SLC35A5: variants seen among roughly 807,000 people sequenced by gnomAD.
SLC35A5 encodes the protein solute carrier family 35 member A5.
A neutral mutation model predicts 36.3 loss-of-function variants in SLC35A5; 28 were observed. The ratio of observed to expected loss-of-function variants is 0.77; its 90% confidence interval spans 0.57 to 1.06. The LOEUF (loss-of-function observed/expected upper bound fraction) is 1.06. Ranked by LOEUF, SLC35A5 falls within the 50% of genes least tolerant of loss-of-function variation. The probability of loss-of-function intolerance (pLI) is 0.00; values close to 1 mark genes in which losing one functional copy is unlikely to be tolerated. For synonymous variants in SLC35A5, 180 were observed against 173.7 expected (o/e 1.04, Z -0.29); for missense variants, 521 against 499.3 (o/e 1.04, Z -0.41).
Position 112,583,182 on chromosome 3 carries a change from T to A in SLC35A5, c.*446T>A, listed in dbSNP as rs1935010194. 2 of 398,126 alleles carry A rather than the reference T, an allele frequency of 5.0e-6. No individual in the cohort carries two copies. Among genetic ancestry groups the A allele is most frequent in the Non-Finnish European group, 8.9e-6 (2 of 225,846 alleles). 24.7% of individuals were successfully genotyped at this position (398,126 alleles called of 1,614,324 possible). On this transcript the variant is annotated 3_prime_UTR_variant, in exon 7 of 7. Transcript: ENST00000492406. ...GGTTGTCTCTTGAATTTTGAGGCCC[T>A]AGAGATAGTCATTTTGCAAGTAAAG...
At chr3:112,575,785 A>T (rs1454288281) in intron 5 of SLC35A5, among the ~76,000 whole-genome samples, 2 of 139,006 alleles carry the variant, frequency 1.4e-5, no homozygotes, top group African/African-American at 5.5e-5. Flanking sequence ...TTTGAGACAG[A>T]GTCTTACTCT....
intron 5 of SLC35A5, among the ~76,000 whole-genome samples, chr3:112,579,977 CA>C (rs1934830759): frequency 6.6e-6 from 1 of 152,200 alleles, no homozygotes; most frequent in Admixed American, 6.5e-5. Context: ...CCCAAAATAA[CA>C]TTTTTCTTTG....
chr3:112,571,163 G>T (rs1257958446), intron 4 of SLC35A5, among the ~76,000 whole-genome samples: 1 of 152,018 alleles, frequency 6.6e-6, no homozygotes, highest in Non-Finnish European at 1.5e-5. Flanking sequence ...ATTCTTCAAG[G>T]GTAGGGATCA....
intron 2 of SLC35A5, among the ~76,000 whole-genome samples, chr3:112,565,593 C>A (rs184153951): frequency 7.9e-5 from 12 of 152,302 alleles, no homozygotes; most frequent in Non-Finnish European, 1.6e-4. Flanking sequence ...GGCTGGCCAA[C>A]ATGGTGAAAC....
chr3:112,576,101 G>GA (rs961723902), intron 5 of SLC35A5, among the ~76,000 whole-genome samples: 20 of 150,644 alleles, frequency 1.3e-4, no homozygotes, highest in African/African-American at 4.9e-4. Flanking sequence ...GTGAAAAAAA[G>GA]AAAAAAAATT....
At chr3:112,561,641 T>C (rs1487881421), upstream of SLC35A5, 1 of 1,087,900 alleles carries the variant, frequency 9.2e-7, no homozygotes, top group Non-Finnish European at 1.3e-6. Context: ...AGCACCCGGC[T>C]GGCAGCACCC....
intron 2 of SLC35A5, among the ~76,000 whole-genome samples, chr3:112,564,797 T>A (rs1357332040): frequency 6.6e-6 from 1 of 152,218 alleles, no homozygotes; most frequent in Non-Finnish European, 1.5e-5. Context: ...GGAGTGGTGA[T>A]GACTCTTAAC....
rs1934905952 is a variant in SLC35A5, at chr3:112,581,237, A to G, written c.1120A>G (p.Asn374Asp). The change falls in exon 6 of 7, where the codon AAT becomes GAT. Residue 374 changes from asparagine (N) to aspartate (D), a missense_variant. Transcript: ENST00000492406. Reference protein sequence around the residue: ...PSVLLSIFIYNASKPQVPEYA... With the variant: ...PSVLLSIFIYDASKPQVPEYA... ...AGTCCTTCTCTCTATATTTATTTAT[A>G]ATGCCAGCAAGCCTCAAGTTCCGGA... 1 of 1,613,828 alleles carries G rather than the reference A, an allele frequency of 6.2e-7. No individual in the cohort carries two copies. Among genetic ancestry groups the G allele is most frequent in the East Asian group, 2.2e-5 (1 of 44,868 alleles).
At chr3:112,561,417 C>T, upstream of SLC35A5, 1 of 1,601,018 alleles carries the variant, frequency 6.2e-7, no homozygotes, top group Admixed American at 1.7e-5. Context: ...AAAAGTCGAG[C>T]ATGTGCCTGA....
At chr3:112,561,655 G>A, upstream of SLC35A5, 1 of 956,294 alleles carries the variant, frequency 1.0e-6, no homozygotes. Context: ...AGCACCCGAG[G>A]GGACGGGACG....
At position 112,566,345 on chromosome 3, in the gene SLC35A5, C is replaced by T. The variant is rs559722484; in HGVS notation, c.130+2812C>T. ...CATGTCATGCACATGAGGGAAATACCAATTATATGAATAAATAGGAGGTAG... is the reference window on the plus strand; with the variant it reads ...CATGTCATGCACATGAGGGAAATACTAATTATATGAATAAATAGGAGGTAG... On this transcript the variant is annotated intron_variant, in intron 2 of 6. Transcript: ENST00000492406. Among the ~76,000 whole-genome samples, 4 of 152,138 alleles carry T rather than the reference C, an allele frequency of 2.6e-5. No homozygotes were observed. In the South Asian group the frequency reaches 8.3e-4, roughly 32 times the overall value.
rs1338349549 is a variant in SLC35A5, at chr3:112,583,429, C to T, written c.*693C>T. ...GGTTCCCTAGTCACCATAGTTACCA[C>T]TTGTATTTTAAGTCATTTAAACAAG... On this transcript the variant is annotated 3_prime_UTR_variant, in exon 7 of 7. Transcript: ENST00000492406. 1 of 286,990 alleles carries T rather than the reference C, an allele frequency of 3.5e-6. No individual in the cohort carries two copies. Among genetic ancestry groups the T allele is most frequent in the African/African-American group, 2.2e-5 (1 of 46,396 alleles). 17.8% of individuals were successfully genotyped at this position (286,990 alleles called of 1,614,324 possible).
chr3:112,573,919 AT>A lies in SLC35A5; in HGVS notation c.393del (p.Ile132Ter), dbSNP rs1460625840. On this transcript the variant is annotated frameshift_variant, in exon 5 of 7. Transcript: ENST00000492406. LOFTEE classifies it high-confidence loss of function. ...AMAVIFSNFS[I>X]ITTALLFRIV... ...GGCTGTTATCTTCTCAAATTTTAGC[AT>A]TATAACAACAGCTCTTCTATTCAGG... is the stretch of plus-strand genomic sequence containing the variant. The A allele has an allele frequency of 6.2e-7, 1 of 1,613,576 alleles. No homozygotes were observed. Among genetic ancestry groups the A allele is most frequent in the Admixed American group, 1.7e-5 (1 of 60,012 alleles).
At chr3:112,580,197 A>G (rs1434056344) in intron 5 of SLC35A5, among the ~76,000 whole-genome samples, 1 of 152,184 alleles carries the variant, frequency 6.6e-6, no homozygotes, top group Admixed American at 6.5e-5. Context: ...AACCAGGTTG[A>G]GAATCTCTGC....
intron 5 of SLC35A5, among the ~76,000 whole-genome samples, chr3:112,574,968 T>C (rs1365592095): frequency 1.3e-5 from 2 of 152,190 alleles, no homozygotes; most frequent in Non-Finnish European, 2.9e-5. Context: ...ATCTGTCAAT[T>C]TATTTGTGAA....
At chr3:112,580,343 G>A (rs1042253185) in intron 5 of SLC35A5, among the ~76,000 whole-genome samples, 4 of 152,166 alleles carry the variant, frequency 2.6e-5, no homozygotes, top group African/African-American at 9.7e-5. Context: ...AGCCTTAGGG[G>A]ATAGGTGTTA....
At chr3:112,571,214 T>C (rs919236110) in intron 4 of SLC35A5, among the ~76,000 whole-genome samples, 1 of 152,258 alleles carries the variant, frequency 6.6e-6, no homozygotes. Flanking sequence ...CTGATAATGC[T>C]GGAAATACTT....
chr3:112,568,128 A>G (rs1455506435), intron 2 of SLC35A5, among the ~76,000 whole-genome samples: 3 of 152,332 alleles, frequency 2.0e-5, no homozygotes, highest in East Asian at 3.9e-4. Flanking sequence ...CACTTCACAC[A>G]CTTCCAATGA....
intron 6 of SLC35A5, 77 bp downstream of exon 6, chr3:112,581,403 A>G: frequency 7.2e-7 from 1 of 1,392,736 alleles, no homozygotes; most frequent in East Asian, 2.3e-5. Context: ...AAAAAATAAA[A>G]TCAGTACTGA....
Sources: allele counts gnomAD v4.1 joint callset (sites outside exome capture counted in the v4.1 genomes callset), GRCh38; gene constraint gnomAD v4.1.1; transcripts MANE v1.5; gene names NCBI Gene and HGNC (gene_info 2026-07-23, HGNC 2026-07-21).